The following CTNND2 variants were observed in gnomAD, a reference collection of about 807,000 sequenced individuals.
The protein encoded by CTNND2 is catenin delta-2.
A neutral mutation model predicts 144.4 loss-of-function variants in CTNND2; 22 were observed. The observed-to-expected ratio is 0.15, with a 90% CI of 0.11 to 0.22. The LOEUF is 0.22. Ranked by LOEUF, CTNND2 falls within the 10% of genes least tolerant of loss-of-function variation. CTNND2 has a pLI of 1.00. For synonymous variants in CTNND2, 751 were observed against 695.6 expected (o/e 1.08, Z -1.25); for missense variants, 1,353 against 1,618.8 (o/e 0.84, Z 2.82).
At chr5:11,064,018 G>A (rs1448942825) in intron 16 of CTNND2, among the ~76,000 whole-genome samples, 1 of 152,098 alleles carries the variant, frequency 6.6e-6, no homozygotes, top group Non-Finnish European at 1.5e-5. Flanking sequence ...TTCTCTCAAG[G>A]AGATTACCAG....
At chr5:11,833,453 G>A (rs778480971) in intron 1 of CTNND2, among the ~76,000 whole-genome samples, 4 of 151,722 alleles carry the variant, frequency 2.6e-5, no homozygotes, top group Non-Finnish European at 4.4e-5. Context: ...AGATGGGGTC[G>A]CCAGGGCAGG....
At chr5:11,473,232 A>T (rs1767393322) in intron 3 of CTNND2, among the ~76,000 whole-genome samples, 1 of 152,218 alleles carries the variant, frequency 6.6e-6, no homozygotes, top group Admixed American at 6.5e-5. Context: ...TTACATTCTC[A>T]AAGATTTAAT....
chr5:11,380,429 T>G (rs73042275), intron 7 of CTNND2, among the ~76,000 whole-genome samples: 1 of 152,198 alleles, frequency 6.6e-6, no homozygotes, highest in East Asian at 1.9e-4. Context: ...TGCAAAAGTA[T>G]ATGAATAGAT....
At chr5:11,660,599 C>T (rs1783148411) in intron 2 of CTNND2, among the ~76,000 whole-genome samples, 1 of 151,998 alleles carries the variant, frequency 6.6e-6, no homozygotes, top group Admixed American at 6.6e-5. Context: ...CAGAAGGAAA[C>T]AAATGGGTCA....
At chr5:11,575,841 C>G (rs1033627724) in intron 2 of CTNND2, among the ~76,000 whole-genome samples, 21 of 152,044 alleles carry the variant, frequency 1.4e-4, no homozygotes, top group Admixed American at 3.3e-4. Context: ...CTTAAGCCAC[C>G]ATTCTCCTTG....
chr5:11,143,252 A>T (rs766559524), intron 12 of CTNND2, among the ~76,000 whole-genome samples: 1 of 151,924 alleles, frequency 6.6e-6, no homozygotes, highest in Admixed American at 6.6e-5. Flanking sequence ...GACTTCCCCT[A>T]CCCTTCCTAT....
At chr5:11,281,096 T>C (rs1319722483) in intron 9 of CTNND2, among the ~76,000 whole-genome samples, 1 of 152,160 alleles carries the variant, frequency 6.6e-6, no homozygotes, top group Non-Finnish European at 1.5e-5. Flanking sequence ...ATGTAGCTAG[T>C]GTATTGCAAA....
intron 3 of CTNND2, among the ~76,000 whole-genome samples, chr5:11,487,900 G>A (rs1362434522): frequency 1.3e-5 from 2 of 152,084 alleles, no homozygotes; most frequent in Admixed American, 1.3e-4. Flanking sequence ...CAGAGATCTA[G>A]TTGTTAAACA....
At chr5:11,287,356 T>C (rs539268026) in intron 9 of CTNND2, among the ~76,000 whole-genome samples, 4 of 152,304 alleles carry the variant, frequency 2.6e-5, no homozygotes, top group Admixed American at 2.6e-4. Context: ...ACTTGAACTC[T>C]CCCTTGAGTC....
At chr5:11,739,397 G>A (rs1335001201) in intron 1 of CTNND2, among the ~76,000 whole-genome samples, 1 of 152,216 alleles carries the variant, frequency 6.6e-6, no homozygotes, top group Non-Finnish European at 1.5e-5. Context: ...AAGATGTCAA[G>A]AATGTGGGTG....
At chr5:11,422,599 C>T (rs577573807) in intron 3 of CTNND2, among the ~76,000 whole-genome samples, 4 of 152,056 alleles carry the variant, frequency 2.6e-5, no homozygotes, top group Admixed American at 6.5e-5. Flanking sequence ...AACACTGTCA[C>T]GTCTGCGGGC....
At chr5:11,656,787 T>A (rs1242477289) in intron 2 of CTNND2, among the ~76,000 whole-genome samples, 2 of 152,124 alleles carry the variant, frequency 1.3e-5, no homozygotes, top group Admixed American at 1.3e-4. Flanking sequence ...TCCCAAAAAT[T>A]CTGAGATGCA....
At chr5:11,632,456 C>T (rs146332053) in intron 2 of CTNND2, among the ~76,000 whole-genome samples, 1 of 152,198 alleles carries the variant, frequency 6.6e-6, no homozygotes, top group Non-Finnish European at 1.5e-5. Context: ...AGTCAAGTTA[C>T]CAAATAAATA....
intron 1 of CTNND2, among the ~76,000 whole-genome samples, chr5:11,733,154 A>C (rs892817553): frequency 2.0e-5 from 3 of 152,148 alleles, no homozygotes; most frequent in African/African-American, 7.2e-5. Context: ...CTGCTCTGGC[A>C]AATTAATAGA....
chr5:11,842,564 A>G (rs1223823946), intron 1 of CTNND2, among the ~76,000 whole-genome samples: 2 of 151,712 alleles, frequency 1.3e-5, no homozygotes, highest in African/African-American at 4.9e-5. Context: ...CTAAAAATAC[A>G]AAAAATTAGC....
chr5:11,434,552 C>A (rs1176599327), intron 3 of CTNND2, among the ~76,000 whole-genome samples: 1 of 152,032 alleles, frequency 6.6e-6, no homozygotes, highest in Non-Finnish European at 1.5e-5. Flanking sequence ...TATTAATATG[C>A]ACAATAAACT....
chr5:11,444,150 TAACTC>T (rs1451063381), intron 3 of CTNND2, among the ~76,000 whole-genome samples: 5 of 152,304 alleles, frequency 3.3e-5, no homozygotes, highest in African/African-American at 9.6e-5. Context: ...AAGTAACAGA[TAACTC>T]AACTGACTGA....
At chr5:11,238,189 G>A (rs1741844439) in intron 9 of CTNND2, among the ~76,000 whole-genome samples, 1 of 152,124 alleles carries the variant, frequency 6.6e-6, no homozygotes, top group African/African-American at 2.4e-5. Context: ...CGAACTGTAT[G>A]AATTCTATCC....
At chr5:11,615,713 A>G (rs1309034616) in intron 2 of CTNND2, among the ~76,000 whole-genome samples, 2 of 152,204 alleles carry the variant, frequency 1.3e-5, no homozygotes, top group Non-Finnish European at 2.9e-5. Context: ...AGTGTGTCAC[A>G]TAAGTGTATT....
Sources: allele counts gnomAD v4.1 joint callset (sites outside exome capture counted in the v4.1 genomes callset), GRCh38; gene constraint gnomAD v4.1.1; transcripts MANE v1.5; gene names NCBI Gene and HGNC (gene_info 2026-07-23, HGNC 2026-07-21).